Variants in DLGAP1 observed in about 807,000 individuals in gnomAD.
DLGAP1 encodes DLG associated protein 1.
Under a neutral mutation model 90.8 loss-of-function variants are expected in DLGAP1, and 11 were observed. That is an observed-to-expected ratio of 0.12 (90% CI 0.08 to 0.20). The LOEUF is 0.20. DLGAP1 is among the 10% of genes least tolerant of loss of function. DLGAP1 has a pLI of 1.00. For synonymous variants in DLGAP1, 558 were observed against 540.7 expected (o/e 1.03, Z -0.44); for missense variants, 1,050 against 1,333.8 (o/e 0.79, Z 3.31).
intron 2 of DLGAP1, among the ~76,000 whole-genome samples, chr18:4,081,579 G>A (rs906698164): frequency 3.3e-5 from 5 of 152,118 alleles, no homozygotes; most frequent in South Asian, 2.1e-4. Context: ...AAGGGATGAA[G>A]TTGTCTCATC....
intron 7 of DLGAP1, among the ~76,000 whole-genome samples, chr18:3,628,037 G>A (rs1441797193): frequency 6.6e-6 from 1 of 151,284 alleles, no homozygotes; most frequent in Non-Finnish European, 1.5e-5. Flanking sequence ...CACCACACCT[G>A]GCTAATTTTT....
At chr18:4,252,835 T>A (rs2145205358) in intron 1 of DLGAP1, among the ~76,000 whole-genome samples, 1 of 152,300 alleles carries the variant, frequency 6.6e-6, no homozygotes, top group East Asian at 1.9e-4. Context: ...AATTCACACA[T>A]CACAATGGCT....
In DLGAP1 at chr18:4,400,488, C is replaced by G. The variant is rs117432072; in HGVS notation, c.-267+54518G>C. On this transcript the variant is annotated intron_variant, in intron 1 of 12. Coordinates refer to ENST00000315677, the MANE Select transcript of DLGAP1 (RefSeq NM_004746.4). The stretch of plus-strand genomic sequence containing the variant: ...GGGCCAATCCAGAGAAGGAAACTGT[C>G]AGGTTGGCTCTTTCCTGTGTCCCAT... Among the ~76,000 whole-genome samples the G allele has an allele frequency of 6.3e-4, 96 of 152,276 alleles. 1 individual carries two copies. The East Asian group carries it at 0.018, about 28-fold the overall frequency.
chr18:3,528,199 GGC>G (rs1228771295), intron 10 of DLGAP1, among the ~76,000 whole-genome samples: 2 of 152,138 alleles, frequency 1.3e-5, no homozygotes, highest in Non-Finnish European at 2.9e-5. Context: ...CCCTTGGCTT[GGC>G]CAAGGGATAG....
At chr18:3,645,119 G>A (rs1016271913) in intron 7 of DLGAP1, among the ~76,000 whole-genome samples, 1 of 151,846 alleles carries the variant, frequency 6.6e-6, no homozygotes. Context: ...TCTTTTTTGA[G>A]ACAGGGTCTC....
At chr18:3,724,587 T>C (rs1055888152) in intron 7 of DLGAP1, among the ~76,000 whole-genome samples, 5 of 151,444 alleles carry the variant, frequency 3.3e-5, no homozygotes, top group African/African-American at 7.3e-5. Flanking sequence ...CTACCAAAAA[T>C]ACAAAAAATT....
rs2076045952 is a variant in DLGAP1 at position 4,115,474 on chromosome 18, C to CT, written c.-159+35705dup. 9.6e-5 allele frequency among the ~76,000 whole-genome samples: 13 copies of CT among 135,788 alleles called. No homozygotes were observed. The South Asian group carries it at 1.2e-3, about 13-fold the overall frequency. The allele number at this position is 135,788 out of a possible 152,430, so 89.1% of individuals were successfully genotyped here. A position where few individuals can be genotyped will look rare whatever the true frequency, so the allele number is the denominator to read the frequency against. ...TTGAACTACCATCTAGTGTCATTTT[C>CT]TTCCTTTCTTTCTTTCTTTCTTTTT... On this transcript the variant is annotated intron_variant, in intron 2 of 12. Coordinates refer to ENST00000315677, the MANE Select transcript of DLGAP1 (RefSeq NM_004746.4).
intron 1 of DLGAP1, among the ~76,000 whole-genome samples, chr18:4,417,666 C>A (rs2082931179): frequency 6.6e-6 from 1 of 152,112 alleles, no homozygotes; most frequent in Non-Finnish European, 1.5e-5. Context: ...ATTAACACTG[C>A]CTCTCTTGGG....
At chr18:3,776,455 T>C (rs971089019) in intron 5 of DLGAP1, among the ~76,000 whole-genome samples, 8 of 152,144 alleles carry the variant, frequency 5.3e-5, no homozygotes, top group African/African-American at 1.9e-4. Context: ...TGGGCCTCAG[T>C]CTAGATCCAA....
At chr18:3,989,103 C>A (rs574452884) in intron 3 of DLGAP1, among the ~76,000 whole-genome samples, 1 of 152,324 alleles carries the variant, frequency 6.6e-6, no homozygotes, top group African/African-American at 2.4e-5. Flanking sequence ...AGGACCCGGT[C>A]CCTATGCTCC....
chr18:4,442,086 G>A (rs1485995428), intron 1 of DLGAP1, among the ~76,000 whole-genome samples: 2 of 152,150 alleles, frequency 1.3e-5, no homozygotes, highest in Non-Finnish European at 2.9e-5. Context: ...CCATCTCCTG[G>A]GTTCAAGCAA....
intron 10 of DLGAP1, 135 bp downstream of exon 10, chr18:3,534,059 T>G (rs760042846): frequency 1.0e-6 from 1 of 972,078 alleles, no homozygotes; most frequent in Non-Finnish European, 1.5e-6. Flanking sequence ...CTAGCTCTCC[T>G]GCATGTTCTG....
intron 5 of DLGAP1, among the ~76,000 whole-genome samples, chr18:3,772,173 C>G (rs890016164): frequency 1.6e-5 from 1 of 62,148 alleles, no homozygotes; most frequent in Non-Finnish European, 3.3e-5. Flanking sequence ...TCTCTCCTTC[C>G]TTTCTCTCCT....
intron 2 of DLGAP1, among the ~76,000 whole-genome samples, chr18:4,011,244 C>T (rs1054276297): frequency 2.0e-5 from 3 of 150,480 alleles, no homozygotes; most frequent in African/African-American, 7.3e-5. Context: ...GTAAAGAGGT[C>T]GTGAGCATGG....
intron 1 of DLGAP1, among the ~76,000 whole-genome samples, chr18:4,189,715 T>C (rs1363025008): frequency 6.6e-6 from 1 of 152,126 alleles, no homozygotes; most frequent in Non-Finnish European, 1.5e-5. Context: ...AAAAACGTAC[T>C]GTGAAACTAC....
At chr18:3,665,320 T>C (rs1342938221) in intron 7 of DLGAP1, among the ~76,000 whole-genome samples, 1 of 150,992 alleles carries the variant, frequency 6.6e-6, no homozygotes, top group Non-Finnish European at 1.5e-5. Context: ...GCTTCCTTAG[T>C]GCTGTTAGGA....
chr18:3,600,687 G>T (rs80190965), intron 7 of DLGAP1, among the ~76,000 whole-genome samples: 15,848 of 67,220 alleles, frequency 0.24, 4,611 homozygotes, highest in Middle Eastern at 0.42. Context: ...TATCTATAGA[G>T]ATCTATATAG....
intron 2 of DLGAP1, among the ~76,000 whole-genome samples, chr18:4,136,300 A>G (rs148877231): frequency 6.6e-6 from 1 of 152,220 alleles, no homozygotes; most frequent in Non-Finnish European, 1.5e-5. Flanking sequence ...CTCTATTTTC[A>G]GTTTTTTGAA....
At chr18:3,956,505 T>C (rs1002115539) in intron 3 of DLGAP1, among the ~76,000 whole-genome samples, 13 of 151,878 alleles carry the variant, frequency 8.6e-5, no homozygotes, top group South Asian at 2.1e-4. Context: ...CCCGCCACCA[T>C]GCCCAGCTAA....
Sources: gnomAD v4.1 joint callset for allele counts (sites outside exome capture counted in the v4.1 genomes callset) on GRCh38, gnomAD v4.1.1 for gene constraint, MANE v1.5 for transcripts, NCBI Gene and HGNC (gene_info 2026-07-23, HGNC 2026-07-21) for gene names.